Variants in SS18 observed in about 807,000 individuals in gnomAD.
The protein encoded by SS18 is protein SSXT.
Under a neutral mutation model 72.5 loss-of-function variants are expected in SS18, and 28 were observed. The ratio of observed to expected loss-of-function variants is 0.39; its 90% confidence interval spans 0.29 to 0.53. The LOEUF is 0.53. Among genes scored for constraint, SS18 ranks in the 20% least tolerant of loss-of-function variants. The probability of loss-of-function intolerance (pLI) is 0.76; values close to 1 mark genes in which losing one functional copy is unlikely to be tolerated. For missense variants in SS18, 518 were observed against 535.3 expected (o/e 0.97, Z 0.32); for synonymous variants, 172 against 164.2 (o/e 1.05, Z -0.37).
intron 4 of SS18, among the ~76,000 whole-genome samples, chr18:26,054,743 CTT>C (rs778326015): frequency 6.7e-5 from 9 of 134,044 alleles, no homozygotes; most frequent in Admixed American, 1.4e-4. Flanking sequence ...ATCTCTCTCT[CTT>C]TTTTTTTTTT....
chr18:26,062,739 G>A (rs372716283), intron 3 of SS18, among the ~76,000 whole-genome samples: 1 of 152,156 alleles, frequency 6.6e-6, no homozygotes, highest in East Asian at 1.9e-4. Flanking sequence ...TGATGATGTT[G>A]CTACGTTAAT....
At chr18:26,030,176 T>C (rs2053520282) in intron 10 of SS18, among the ~76,000 whole-genome samples, 1 of 152,216 alleles carries the variant, frequency 6.6e-6, no homozygotes, top group Non-Finnish European at 1.5e-5. Flanking sequence ...ATACGGCTTG[T>C]AAGAGCCTTC....
chr18:26,044,028 T>C (rs1296018600), intron 5 of SS18, among the ~76,000 whole-genome samples: 1 of 152,214 alleles, frequency 6.6e-6, no homozygotes, highest in African/African-American at 2.4e-5. Context: ...TTCTCAACTG[T>C]GGGCAGTTTT....
At chr18:26,021,757 C>G (rs2143772267) in intron 10 of SS18, among the ~76,000 whole-genome samples, 1 of 152,334 alleles carries the variant, frequency 6.6e-6, no homozygotes, top group African/African-American at 2.4e-5. Flanking sequence ...AAATACCAAA[C>G]AGGCACTTGG....
intron 3 of SS18, among the ~76,000 whole-genome samples, chr18:26,074,039 T>A (rs1362724214): frequency 6.6e-6 from 1 of 152,152 alleles, no homozygotes; most frequent in Non-Finnish European, 1.5e-5. Context: ...GACCTTGAGC[T>A]TGACAGCATC....
At chr18:26,032,264 G>A (rs1007377032) in intron 10 of SS18, 135 bp downstream of exon 10, 1 of 1,015,232 alleles carries the variant, frequency 9.8e-7, no homozygotes, top group African/African-American at 1.6e-5. Flanking sequence ...TACACTTTTT[G>A]TTAACAAATG....
In SS18 at chr18:26,076,447, A is replaced by G. The variant is rs2054414504; in HGVS notation, c.231+1629T>C. 2.0e-5 allele frequency among the ~76,000 whole-genome samples: 3 copies of G among 152,012 alleles called. No individual in the cohort carries two copies. In the South Asian group the frequency reaches 6.2e-4, roughly 31 times the overall value. On this transcript the variant is annotated intron_variant, in intron 3 of 10. Coordinates refer to ENST00000415083, the MANE Select transcript of SS18 (RefSeq NM_001007559.3). ...CCAAGAAATAATAATGGGACAAAAA[A>G]CCATCCACATGGAAACAAATGAAAC... is the stretch of plus-strand genomic sequence containing the variant.
chr18:26,022,199 G>A (rs1246917249), intron 10 of SS18, among the ~76,000 whole-genome samples: 1 of 152,074 alleles, frequency 6.6e-6, no homozygotes, highest in Non-Finnish European at 1.5e-5. Context: ...TATTTACTCA[G>A]TTGTTTATAC....
chr18:26,018,266 A>G lies in SS18; in HGVS notation c.*88T>C, dbSNP rs935235554. 2 of 1,144,776 alleles carry G rather than the reference A, an allele frequency of 1.7e-6. No individual in the cohort carries two copies. Among genetic ancestry groups the G allele is most frequent in the Non-Finnish European group, 2.5e-6 (2 of 784,544 alleles). The allele number at this position is 1,144,776 out of a possible 1,614,324, so 70.9% of individuals were successfully genotyped here. On this transcript the variant is annotated 3_prime_UTR_variant, in exon 11 of 11. Transcript: ENST00000415083. ...TTTTTCCAAAAACTAGATGGAATGG[A>G]AGGATCTCTTCACAGGGAGGTGTCC...
chr18:26,047,565 T>C (rs181764788), intron 5 of SS18, among the ~76,000 whole-genome samples: 36 of 152,272 alleles, frequency 2.4e-4, no homozygotes, highest in East Asian at 7.7e-4. Context: ...CAGCCGGGCG[T>C]GGTGGCTCAT....
At chr18:26,055,540 A>T (rs915848388) in intron 4 of SS18, among the ~76,000 whole-genome samples, 1 of 152,178 alleles carries the variant, frequency 6.6e-6, no homozygotes, top group Non-Finnish European at 1.5e-5. Context: ...GATCAATGAG[A>T]ACATAAGTAG....
chr18:26,038,210 G>A (rs191776196), intron 7 of SS18, among the ~76,000 whole-genome samples: 1 of 152,106 alleles, frequency 6.6e-6, no homozygotes, highest in East Asian at 1.9e-4. Flanking sequence ...TTTATGGCAG[G>A]TGAATTATAT....
intron 2 of SS18, chr18:26,084,020 A>T (rs1340277368): frequency 1.3e-5 from 2 of 152,146 alleles, no homozygotes; most frequent in African/African-American, 4.8e-5. Flanking sequence ...CAAAAAAAGA[A>T]CCAGGGCTTG....
At chr18:26,058,144 T>C (rs2054057881) in intron 3 of SS18, among the ~76,000 whole-genome samples, 1 of 152,182 alleles carries the variant, frequency 6.6e-6, no homozygotes, top group African/African-American at 2.4e-5. Context: ...GGACTCTAAG[T>C]CCCAAAATGT....
intron 9 of SS18, among the ~76,000 whole-genome samples, chr18:26,034,099 A>G (rs2143847816): frequency 6.6e-6 from 1 of 152,294 alleles, no homozygotes; most frequent in Admixed American, 6.5e-5. Context: ...CCTGACTCCC[A>G]ATATCTGACT....
At chr18:26,053,980 T>C (rs979606009) in intron 4 of SS18, among the ~76,000 whole-genome samples, 3 of 152,188 alleles carry the variant, frequency 2.0e-5, no homozygotes, top group African/African-American at 7.2e-5. Flanking sequence ...GGAGATTGGT[T>C]CCAGAACCAC....
chr18:26,082,535 T>A, intron 2 of SS18: 2 of 984,408 alleles, frequency 2.0e-6, no homozygotes, highest in South Asian at 4.7e-5. Context: ...CACCCTAAAA[T>A]GCAAAAAATA....
chr18:26,036,414 A>G (rs1230687008), intron 7 of SS18, among the ~76,000 whole-genome samples: 1 of 152,236 alleles, frequency 6.6e-6, no homozygotes, highest in East Asian at 1.9e-4. Flanking sequence ...TCTAACATTT[A>G]CTTGCATAAA....
At chr18:26,090,687 C>A, upstream of SS18, 1 of 1,104,780 alleles carries the variant, frequency 9.1e-7, no homozygotes, top group Non-Finnish European at 1.3e-6. Context: ...GGGGGATGCT[C>A]CGGGGCCAAG....
Sources: gnomAD v4.1 joint callset for allele counts (sites outside exome capture counted in the v4.1 genomes callset) on GRCh38, gnomAD v4.1.1 for gene constraint, MANE v1.5 for transcripts, NCBI Gene and HGNC (gene_info 2026-07-23, HGNC 2026-07-21) for gene names.